Variants in DENND1A observed in about 807,000 individuals in gnomAD.
DENND1A encodes DENN domain-containing protein 1A.
DENND1A carries 51 observed loss-of-function variants against 113.7 expected under a neutral mutation model. The observed-to-expected ratio is 0.45, with a 90% CI of 0.36 to 0.57. DENND1A has a LOEUF of 0.57. Among genes scored for constraint, DENND1A ranks in the 20% least tolerant of loss-of-function variants. The pLI is 0.00. For missense variants in DENND1A, 1,258 were observed against 1,395.9 expected, an observed-to-expected ratio of 0.90 and a Z score of 1.57; for synonymous variants, 565 against 570.8, an observed-to-expected ratio of 0.99 and a Z score of 0.14.
chr9:123,392,199 G>T (rs999285323), intron 21 of DENND1A, among the ~76,000 whole-genome samples: 1 of 152,118 alleles, frequency 6.6e-6, no homozygotes, highest in African/African-American at 2.4e-5. Flanking sequence ...GGATCGCACC[G>T]GCTTATTTTT....
chr9:123,819,033 C>G (rs1018505190), intron 2 of DENND1A, among the ~76,000 whole-genome samples: 2 of 152,214 alleles, frequency 1.3e-5, no homozygotes, highest in Non-Finnish European at 2.9e-5. Context: ...TAGGCCCACA[C>G]AAGACCTACT....
chr9:123,763,237 CTGGAAGTGAT>C (rs1010678811), intron 4 of DENND1A, among the ~76,000 whole-genome samples: 3 of 152,088 alleles, frequency 2.0e-5, no homozygotes, highest in Non-Finnish European at 4.4e-5. Flanking sequence ...AGAAAATAAT[CTGGAAGTGAT>C]TGCAGTAGTC....
chr9:123,480,315 C>T (rs902317790), intron 13 of DENND1A, among the ~76,000 whole-genome samples: 2 of 152,154 alleles, frequency 1.3e-5, no homozygotes, highest in African/African-American at 2.4e-5. Flanking sequence ...TGCGGAAGCC[C>T]GGCACTGCCC....
intron 2 of DENND1A, among the ~76,000 whole-genome samples, chr9:123,850,156 G>T (rs79257095): frequency 0.036 from 5,477 of 152,268 alleles, 104 homozygotes; most frequent in Middle Eastern, 0.048. Context: ...TCGACTGGGG[G>T]TAAAATGCTA....
chr9:123,733,454 A>G (rs531093467), intron 5 of DENND1A, among the ~76,000 whole-genome samples: 20 of 151,618 alleles, frequency 1.3e-4, no homozygotes, highest in African/African-American at 4.6e-4. Context: ...TAATTTTTAT[A>G]TTTTTTATTT....
intron 11 of DENND1A, among the ~76,000 whole-genome samples, chr9:123,586,766 G>A (rs1188302144): frequency 1.3e-5 from 2 of 152,152 alleles, no homozygotes; most frequent in Admixed American, 6.5e-5. Context: ...TGGGGGTGGG[G>A]ACAGGAAGCG....
chr9:123,625,375 C>T (rs971197636), intron 10 of DENND1A, among the ~76,000 whole-genome samples: 3 of 152,234 alleles, frequency 2.0e-5, no homozygotes, highest in Non-Finnish European at 4.4e-5. Flanking sequence ...TTTTCCCCTC[C>T]ACAGTTCCAG....
intron 13 of DENND1A, among the ~76,000 whole-genome samples, chr9:123,524,349 C>T (rs1019932592): frequency 1.3e-5 from 2 of 152,172 alleles, no homozygotes; most frequent in Non-Finnish European, 2.9e-5. Context: ...ATGATATCTG[C>T]GGGTTGGATG....
At chr9:123,817,097 A>G (rs1162268806) in intron 2 of DENND1A, among the ~76,000 whole-genome samples, 1 of 152,202 alleles carries the variant, frequency 6.6e-6, no homozygotes, top group African/African-American at 2.4e-5. Flanking sequence ...AATAACCTCA[A>G]TGGTAACCCC....
chr9:123,710,767 G>A (rs1244439204), intron 5 of DENND1A, among the ~76,000 whole-genome samples: 1 of 151,594 alleles, frequency 6.6e-6, no homozygotes, highest in South Asian at 2.1e-4. Flanking sequence ...CCATCTCCCG[G>A]CTTCAAGCAA....
chr9:123,546,375 C>T lies in DENND1A; in HGVS notation c.993+11195G>A, dbSNP rs572745035. Among the ~76,000 whole-genome samples, 48 of 151,164 alleles carry T rather than the reference C, an allele frequency of 3.2e-4. No individual in the cohort carries two copies. In the South Asian group the frequency reaches 9.2e-3, roughly 29 times the overall value. On this transcript the variant is annotated intron_variant, in intron 13 of 23. Transcript: ENST00000394215. Reference sequence around the variant, plus strand: ...CATCCTGGCTAACACAGTGAAACCCCGTCTCTACTAAAAATACAAAAAAAA... The same window carrying T: ...CATCCTGGCTAACACAGTGAAACCCTGTCTCTACTAAAAATACAAAAAAAA...
At chr9:123,554,808 C>A (rs1024681527) in intron 13 of DENND1A, among the ~76,000 whole-genome samples, 1 of 152,150 alleles carries the variant, frequency 6.6e-6, no homozygotes, top group Admixed American at 6.5e-5. Context: ...CTTAATGGTA[C>A]ATAAACTAAT....
chr9:123,826,849 TA>T (rs1839405259), intron 2 of DENND1A, among the ~76,000 whole-genome samples: 1 of 152,196 alleles, frequency 6.6e-6, no homozygotes. Context: ...ACTCTTCTTT[TA>T]AACTGATGAT....
chr9:123,466,286 C>G (rs1275078235), intron 13 of DENND1A, among the ~76,000 whole-genome samples: 1 of 151,986 alleles, frequency 6.6e-6, no homozygotes, highest in Non-Finnish European at 1.5e-5. Flanking sequence ...CATGAGCCAC[C>G]GTGCCTGCCT....
chr9:123,397,281 A>G (rs767376813), intron 21 of DENND1A, among the ~76,000 whole-genome samples: 87 of 152,108 alleles, frequency 5.7e-4, no homozygotes, highest in Non-Finnish European at 6.9e-4. Flanking sequence ...CAGGCTTCCG[A>G]GTAGCTGAGA....
At chr9:123,858,468 G>C (rs1844596541) in intron 2 of DENND1A, among the ~76,000 whole-genome samples, 1 of 152,132 alleles carries the variant, frequency 6.6e-6, no homozygotes, top group South Asian at 2.1e-4. Context: ...GTGACTTTCA[G>C]GCTTCTAGCA....
At chr9:123,785,704 T>G (rs1464935263) in intron 3 of DENND1A, among the ~76,000 whole-genome samples, 1 of 152,136 alleles carries the variant, frequency 6.6e-6, no homozygotes, top group Non-Finnish European at 1.5e-5. Context: ...GATATCCACT[T>G]CAAGAAACCC....
intron 12 of DENND1A, among the ~76,000 whole-genome samples, chr9:123,568,023 G>C (rs969160734): frequency 6.6e-6 from 1 of 152,204 alleles, no homozygotes; most frequent in African/African-American, 2.4e-5. Flanking sequence ...ATTTAGATGA[G>C]TACAAAGGTG....
rs745398385 is a variant in DENND1A at position 123,467,981 on chromosome 9, C to T, written c.994-10084G>A. Among the ~76,000 whole-genome samples the T allele has an allele frequency of 1.1e-4, 17 of 152,150 alleles. No individual in the cohort carries two copies. In the South Asian group the frequency reaches 1.2e-3, roughly 11 times the overall value. On this transcript the variant is annotated intron_variant, in intron 13 of 23. Transcript: ENST00000394215. ...TCTTCATGGTACTTCCTTGGGGAAA[C>T]CTTACTTGAATCATTCAGATGAAGA... is the stretch of plus-strand genomic sequence containing the variant.
Sources: allele counts gnomAD v4.1 joint callset (sites outside exome capture counted in the v4.1 genomes callset), GRCh38; gene constraint gnomAD v4.1.1; transcripts MANE v1.5; gene names NCBI Gene and HGNC (gene_info 2026-07-23, HGNC 2026-07-21).